SLC9A9: variants seen among roughly 807,000 people sequenced by gnomAD.
SLC9A9 encodes the protein solute carrier family 9 member A9, also known as sodium/hydrogen exchanger 9.
Under a neutral mutation model 77.8 loss-of-function variants are expected in SLC9A9, and 62 were observed. That is an observed-to-expected ratio of 0.80 (90% CI 0.65 to 0.98). The LOEUF (loss-of-function observed/expected upper bound fraction) is 0.98, where lower values mean the gene tolerates loss of function less well. SLC9A9 is among the 50% of genes least tolerant of loss of function. SLC9A9 has a pLI of 0.00. For synonymous variants in SLC9A9, 320 were observed against 283.5 expected (o/e 1.13, Z -1.29); for missense variants, 775 against 774.9 (o/e 1.00, Z 0.00).
intron 5 of SLC9A9, among the ~76,000 whole-genome samples, chr3:143,662,877 GC>G (rs2039002315): frequency 6.6e-6 from 1 of 152,150 alleles, no homozygotes; most frequent in South Asian, 2.1e-4. Context: ...TGGGGGCAGG[GC>G]ATAGCTGAAC....
intron 2 of SLC9A9, among the ~76,000 whole-genome samples, chr3:143,803,684 C>T (rs2008630692): frequency 6.6e-6 from 1 of 152,286 alleles, no homozygotes; most frequent in South Asian, 2.1e-4. Flanking sequence ...TATCTCTCCC[C>T]AGCTATCTCC....
chr3:143,323,082 T>C (rs1002210054), intron 14 of SLC9A9, among the ~76,000 whole-genome samples: 2 of 152,132 alleles, frequency 1.3e-5, no homozygotes, highest in African/African-American at 4.8e-5. Flanking sequence ...AAATAACAAA[T>C]GTTGGTGAGG....
chr3:143,399,056 ACTT>A (rs2033793166), intron 12 of SLC9A9, among the ~76,000 whole-genome samples: 2 of 151,982 alleles, frequency 1.3e-5, no homozygotes, highest in Non-Finnish European at 2.9e-5. Context: ...TCTATATTTC[ACTT>A]CTATTTTTAC....
chr3:143,569,730 T>G (rs530621724), intron 8 of SLC9A9, among the ~76,000 whole-genome samples: 1 of 151,730 alleles, frequency 6.6e-6, no homozygotes, highest in Non-Finnish European at 1.5e-5. Context: ...AAACAGAACA[T>G]AGTTAAAAGG....
At chr3:143,635,507 T>A (rs1464560488) in intron 6 of SLC9A9, among the ~76,000 whole-genome samples, 1 of 152,230 alleles carries the variant, frequency 6.6e-6, no homozygotes, top group Non-Finnish European at 1.5e-5. Context: ...TTGTAGTTTA[T>A]GGCATTCAAA....
intron 4 of SLC9A9, among the ~76,000 whole-genome samples, chr3:143,735,139 G>T (rs1250924298): frequency 6.6e-6 from 1 of 152,078 alleles, no homozygotes; most frequent in East Asian, 1.9e-4. Flanking sequence ...CTGTCCTTTT[G>T]GTAAAATAAA....
chr3:143,518,019 C>A, intron 9 of SLC9A9: 1 of 1,426,802 alleles, frequency 7.0e-7, no homozygotes, highest in East Asian at 2.3e-5. Context: ...GGTTCTTCTG[C>A]CTTTAAGTCT....
chr3:143,266,072 G>T lies in SLC9A9; in HGVS notation c.*630C>A. ...ACACCCAGCCATAGGCAACCCCTTT[G>T]AGCGATGGGAGAAGTAGCATAAGAA... On this transcript the variant is annotated 3_prime_UTR_variant, in exon 16 of 16. Transcript: ENST00000316549. 1.4e-6 allele frequency: 1 copy of T among 702,356 alleles called. No individual in the cohort carries two copies. The highest frequency in any genetic ancestry group is 1.5e-5 in the South Asian group (1 of 67,556). The allele number at this position is 702,356 out of a possible 1,614,324, so 43.5% of individuals were successfully genotyped here.
rs541878669 is a variant in SLC9A9, at chr3:143,647,206, G to A, written c.755+5049C>T. On this transcript the variant is annotated intron_variant, in intron 6 of 15. Coordinates refer to ENST00000316549, the MANE Select transcript of SLC9A9 (RefSeq NM_173653.4). Reference sequence around the variant, plus strand: ...AAATGAGTCTGCCAAGGCGCAGGGGGATTGAGTAACTTGCCCAAGGTAACG... The same window carrying A: ...AAATGAGTCTGCCAAGGCGCAGGGGAATTGAGTAACTTGCCCAAGGTAACG... Among the ~76,000 whole-genome samples the A allele has an allele frequency of 5.9e-5, 9 of 152,276 alleles. No individual in the cohort carries two copies. The East Asian group carries it at 1.7e-3, about 29-fold the overall frequency.
chr3:143,742,120 T>C (rs1935087158), intron 4 of SLC9A9, among the ~76,000 whole-genome samples: 1 of 152,078 alleles, frequency 6.6e-6, no homozygotes, highest in East Asian at 1.9e-4. Context: ...GACCCTGCAC[T>C]TGATGGATCA....
chr3:143,554,743 C>T (rs547696860), intron 8 of SLC9A9, among the ~76,000 whole-genome samples: 7 of 152,264 alleles, frequency 4.6e-5, no homozygotes, highest in East Asian at 1.9e-4. Flanking sequence ...CACTCCCCAC[C>T]GCCTTACCTT....
rs180710195 is a variant in SLC9A9, at chr3:143,435,687, G to C, written c.1469+31350C>G. Among the ~76,000 whole-genome samples the C allele has an allele frequency of 9.7e-4, 147 of 152,216 alleles. 3 individuals carry two copies. Among genetic ancestry groups the C allele is most frequent in the Admixed American group, 9.0e-3 (137 of 15,300 alleles). Reference sequence around the variant, plus strand: ...AATTTTTTGGGTGATATGGGGCCTTGGAATGAGAGGAATGTATGCTGGGGT... The same window carrying C: ...AATTTTTTGGGTGATATGGGGCCTTCGAATGAGAGGAATGTATGCTGGGGT... On this transcript the variant is annotated intron_variant, in intron 12 of 15. Coordinates refer to ENST00000316549, the MANE Select transcript of SLC9A9 (RefSeq NM_173653.4).
At chr3:143,510,409 TAC>T (rs2036097434) in intron 9 of SLC9A9, among the ~76,000 whole-genome samples, 1 of 152,186 alleles carries the variant, frequency 6.6e-6, no homozygotes, top group African/African-American at 2.4e-5. Flanking sequence ...GAAAATTAAA[TAC>T]CCGAGATATT....
chr3:143,356,276 G>A (rs116463698), intron 14 of SLC9A9, among the ~76,000 whole-genome samples: 4 of 152,276 alleles, frequency 2.6e-5, no homozygotes, highest in African/African-American at 9.6e-5. Flanking sequence ...GTTCTGAGAG[G>A]CCAGTGAATC....
intron 14 of SLC9A9, among the ~76,000 whole-genome samples, chr3:143,316,196 G>A (rs1311236903): frequency 1.3e-5 from 2 of 152,164 alleles, no homozygotes; most frequent in Non-Finnish European, 2.9e-5. Flanking sequence ...TGTCACTCAC[G>A]AGATAAATTT....
chr3:143,397,962 A>T (rs549104844), intron 12 of SLC9A9, among the ~76,000 whole-genome samples: 68 of 152,198 alleles, frequency 4.5e-4, no homozygotes, highest in Non-Finnish European at 8.7e-4. Flanking sequence ...AACCCAGCCA[A>T]AGCAAATATT....
At chr3:143,679,892 T>A (rs539619493) in intron 5 of SLC9A9, among the ~76,000 whole-genome samples, 2 of 151,932 alleles carry the variant, frequency 1.3e-5, no homozygotes, top group East Asian at 1.9e-4. Context: ...AAAGGAAATA[T>A]CAGGTATGAA....
In SLC9A9 at chr3:143,552,387, G is replaced by A. The variant is rs552019939; in HGVS notation, c.1064C>T (p.Ser355Leu). ...CTGTTTAGTTCTTATTTTGGAATCCGAAGACAGATTGTTGTAGGTATAATG... is the reference window on the plus strand; with the variant it reads ...CTGTTTAGTTCTTATTTTGGAATCCAAAGACAGATTGTTGTAGGTATAATG... ...QAHYTYNNLS[S>L]DSKIRTKQLF... is the part of the protein sequence containing the mutation. The change falls in exon 9 of 16, where the codon TCG (serine) becomes TTG (leucine). Residue 355 changes from serine (S) to leucine (L), a missense_variant. Coordinates refer to ENST00000316549, the MANE Select transcript of SLC9A9 (RefSeq NM_173653.4). The A allele has an allele frequency of 1.4e-5, 23 of 1,612,532 alleles. No homozygotes were observed. Among genetic ancestry groups the A allele is most frequent in the Middle Eastern group, 1.7e-4 (1 of 6,042 alleles).
chr3:143,574,121 C>G lies in SLC9A9; in HGVS notation c.967G>C (p.Ala323Pro), dbSNP rs1472778301. The G allele has an allele frequency of 6.2e-7, 1 of 1,613,374 alleles. No individual in the cohort carries two copies. The highest frequency in any genetic ancestry group is 8.5e-7 in the Non-Finnish European group (1 of 1,179,644). Residue 323 changes from alanine (A) to proline (P), a missense_variant, in exon 8 of 16, where the codon GCC becomes CCC. By Grantham distance (27) the Ala-to-Pro change is conservative (BLOSUM62 -1). Transcript: ENST00000316549. ...TGLFFLLSWS[A>P]FLSAEAAGLT... is the part of the protein sequence containing the mutation. The stretch of plus-strand genomic sequence containing the variant: ...CCGGCAGCCTCGGCAGACAGGAAGG[C>G]ACTCCAAGAAAGCAGGAAAAACAGG...
Sources: gnomAD v4.1 joint callset for allele counts (sites outside exome capture counted in the v4.1 genomes callset) on GRCh38, gnomAD v4.1.1 for gene constraint, MANE v1.5 for transcripts, NCBI Gene and HGNC (gene_info 2026-07-23, HGNC 2026-07-21) for gene names.